The following UBE3B variants were observed in gnomAD, a reference collection of about 807,000 sequenced individuals.
UBE3B encodes ubiquitin protein ligase E3B.
UBE3B carries 80 observed loss-of-function variants against 132.3 expected under a neutral mutation model. That is an observed-to-expected ratio of 0.60 (90% CI 0.50 to 0.73). UBE3B has a LOEUF of 0.73. Among genes scored for constraint, UBE3B ranks in the 30% least tolerant of loss-of-function variants. The pLI is 0.00. For synonymous variants in UBE3B, 487 were observed against 520.4 expected, an observed-to-expected ratio of 0.94 and a Z score of 0.87; for missense variants, 1,196 against 1,362.5, an observed-to-expected ratio of 0.88 and a Z score of 1.92.
At position 109,512,265 on chromosome 12, in the gene UBE3B, T is replaced by C. The variant is rs142917892; in HGVS notation, c.1956+962T>C. 7.2e-5 allele frequency among the ~76,000 whole-genome samples: 11 copies of C among 151,986 alleles called. No individual in the cohort carries two copies. The East Asian group carries it at 1.9e-3, about 27-fold the overall frequency. Reference sequence around the variant, plus strand: ...TCCCCCCATAACCTGGGCGAGGTGGTTGGGGAGTCAGACGGAGTGAGAAGT... The same window carrying C: ...TCCCCCCATAACCTGGGCGAGGTGGCTGGGGAGTCAGACGGAGTGAGAAGT... On this transcript the variant is annotated intron_variant, in intron 18 of 27. Coordinates refer to ENST00000342494, the MANE Select transcript of UBE3B (RefSeq NM_130466.4).
In UBE3B at chr12:109,507,684, A is replaced by G. The variant is rs562489456; in HGVS notation, c.1571A>G (p.Gln524Arg). 2.5e-6 allele frequency: 4 copies of G among 1,614,220 alleles called. No homozygotes were observed. The highest frequency in any genetic ancestry group is 3.4e-6 in the Non-Finnish European group (4 of 1,180,044). ...CLNNDTEESK[Q>R]LLAMLMLFCD... Reference sequence around the variant, plus strand: ...AACAATGACACTGAAGAGTCCAAGCAACTCTTGGCCATGCTGATGCTGTTC... The same window carrying G: ...AACAATGACACTGAAGAGTCCAAGCGACTCTTGGCCATGCTGATGCTGTTC... Residue 524 changes from glutamine to arginine, a missense_variant, in exon 15 of 28, where the codon CAA becomes CGA. Coordinates refer to ENST00000342494, the MANE Select transcript of UBE3B (RefSeq NM_130466.4).
At chr12:109,497,681 C>A in intron 9 of UBE3B, 137 bp from the exon 10 acceptor site, 2 of 825,452 alleles carry the variant, frequency 2.4e-6, no homozygotes, top group Non-Finnish European at 3.9e-6. Flanking sequence ...AGTGTATGTC[C>A]CCAATTTCAG....
chr12:109,539,539 T>A (rs183998581), downstream of UBE3B, among the ~76,000 whole-genome samples: 318 of 152,192 alleles, frequency 2.1e-3, 1 homozygote, highest in African/African-American at 7.2e-3. Context: ...AGTTTCCTCT[T>A]CCATGAAACG....
chr12:109,541,314 G>A (rs1338982741), downstream of UBE3B, among the ~76,000 whole-genome samples: 1 of 152,172 alleles, frequency 6.6e-6, no homozygotes, highest in Non-Finnish European at 1.5e-5. Context: ...GTGGTCAAGG[G>A]CACAGGCCTT....
intron 14 of UBE3B, 86 bp downstream of exon 14, chr12:109,503,276 C>T: frequency 3.3e-6 from 5 of 1,529,220 alleles, no homozygotes; most frequent in Non-Finnish European, 4.4e-6. Context: ...TTTCTGGCTT[C>T]TTTGACTCTG....
chr12:109,495,360 C>T (rs1878040289), intron 9 of UBE3B, among the ~76,000 whole-genome samples: 1 of 152,020 alleles, frequency 6.6e-6, no homozygotes, highest in Non-Finnish European at 1.5e-5. Context: ...TCTGCATGAC[C>T]TCTGAGTGAT....
intron 9 of UBE3B, among the ~76,000 whole-genome samples, chr12:109,495,847 G>A (rs967310783): frequency 6.6e-6 from 1 of 152,206 alleles, no homozygotes; most frequent in Non-Finnish European, 1.5e-5. Context: ...GGTGGGCCAG[G>A]TGTTCCTTGC....
intron 9 of UBE3B, chr12:109,491,869 G>A (rs1877512301): frequency 6.6e-6 from 1 of 152,206 alleles, no homozygotes; most frequent in Admixed American, 6.5e-5. Flanking sequence ...GGACCCCATG[G>A]GCTTATTTAA....
chr12:109,512,107 T>A (rs1318192288), intron 18 of UBE3B, among the ~76,000 whole-genome samples: 1 of 152,112 alleles, frequency 6.6e-6, no homozygotes, highest in Admixed American at 6.5e-5. Flanking sequence ...CTCTGGCTCC[T>A]GGAAGCCATT....
rs1451681629 is a variant in UBE3B, at chr12:109,521,468, C to T, written c.2281C>T (p.Pro761Ser). The T allele has an allele frequency of 6.3e-7, 1 of 1,596,258 alleles. No individual in the cohort carries two copies. Among genetic ancestry groups the T allele is most frequent in the African/African-American group, 1.3e-5 (1 of 74,648 alleles). The stretch of plus-strand genomic sequence containing the variant: ...AACCAGTGGGGATGAGAGGCTGTAC[C>T]CCTCACCCACATCCTACATCCATGA... ...KTTSGDERLY[P>S]SPTSYIHENY... The change falls in exon 21 of 28, where the codon CCC becomes TCC. Residue 761 changes from proline (P) to serine (S), a missense_variant. By Grantham distance (74) the Pro-to-Ser change is moderately conservative. Coordinates refer to ENST00000342494, the MANE Select transcript of UBE3B (RefSeq NM_130466.4). This position sits in a 1 kb window ranked among gnomAD's most constrained non-coding sequence, Gnocchi z 4.2.
chr12:109,499,494 G>A (rs749557894), intron 11 of UBE3B, 139 bp from the exon 12 acceptor site: 68 of 803,630 alleles, frequency 8.5e-5, no homozygotes, highest in Non-Finnish European at 1.1e-4. Flanking sequence ...AGCAGCCTCC[G>A]GCATTGACAG....
intron 14 of UBE3B, among the ~76,000 whole-genome samples, chr12:109,507,026 G>A (rs760858025): frequency 7.2e-5 from 11 of 152,210 alleles, no homozygotes; most frequent in African/African-American, 1.4e-4. Flanking sequence ...TCTGAACCTC[G>A]TCTGGTTCTG....
chr12:109,507,879 C>T, intron 15 of UBE3B, 144 bp downstream of exon 15: 1 of 981,016 alleles, frequency 1.0e-6, no homozygotes, highest in South Asian at 1.7e-5. Flanking sequence ...TAGCCATTTA[C>T]CAAGTGAGCA....
chr12:109,501,425 G>C lies in UBE3B; in HGVS notation c.1173G>C (p.Val391=). The change falls in exon 13 of 28, where the codon GTG becomes GTC. Residue 391 remains valine (V), a synonymous_variant. Transcript: ENST00000342494. ...ITKQLQFLWG[V]PLIRIFFCDI... is the part of the protein sequence containing the mutation. ...AACAGCTGCAGTTCTTGTGGGGGGT[G>C]CCTCTGATCCGGATCTTCTTCTGTG... is the stretch of plus-strand genomic sequence containing the variant. 6.2e-7 allele frequency: 1 copy of C among 1,614,160 alleles called. No individual in the cohort carries two copies. The highest frequency in any genetic ancestry group is 8.5e-7 in the Non-Finnish European group (1 of 1,180,018).
At chr12:109,490,199 T>A in intron 8 of UBE3B, 195 bp downstream of exon 8, 1 of 855,978 alleles carries the variant, frequency 1.2e-6, no homozygotes, top group Non-Finnish European at 1.9e-6. Flanking sequence ...AGGACAGTGG[T>A]GCTGGGATCC....
chr12:109,509,812 C>T lies in UBE3B; in HGVS notation c.1741+98C>T, dbSNP rs140945794. 1.0e-4 allele frequency: 77 copies of T among 744,858 alleles called. No individual in the cohort carries two copies. In the African/African-American group the frequency reaches 1.1e-3, roughly 11 times the overall value. 46.1% of individuals were successfully genotyped at this position (744,858 alleles called of 1,614,324 possible). A position where few individuals can be genotyped will look rare whatever the true frequency, so the allele number is the denominator to read the frequency against. Reference sequence around the variant, plus strand: ...CTGATTCTTAGCTTTATTGTCTCTCCAAGTTAATAGAAGGTGCACATTTAT... The same window carrying T: ...CTGATTCTTAGCTTTATTGTCTCTCTAAGTTAATAGAAGGTGCACATTTAT... On this transcript the variant is annotated intron_variant, in intron 16 of 27. Transcript: ENST00000342494.
chr12:109,536,530 G>A lies in UBE3B; in HGVS notation c.*1748G>A, dbSNP rs1382270808. ...TGTAATTTCATTTAAATTCTTTTCAGCAGCTGGAAATATTGCACTATCTGA... is the reference window on the plus strand; with the variant it reads ...TGTAATTTCATTTAAATTCTTTTCAACAGCTGGAAATATTGCACTATCTGA... On this transcript the variant is annotated 3_prime_UTR_variant, in exon 28 of 28. Coordinates refer to ENST00000342494, the MANE Select transcript of UBE3B (RefSeq NM_130466.4). 2.0e-5 allele frequency: 3 copies of A among 152,164 alleles called. No individual in the cohort carries two copies. Among genetic ancestry groups the A allele is most frequent in the Non-Finnish European group, 2.9e-5 (2 of 68,034 alleles). 9.4% of individuals were successfully genotyped at this position (152,164 alleles called of 1,614,324 possible).
the UBE3B span, among the ~76,000 whole-genome samples, chr12:109,542,771 G>A: frequency 3.3e-5 from 5 of 152,220 alleles, no homozygotes; most frequent in African/African-American, 1.2e-4. Flanking sequence ...TCACAGCCTG[G>A]AGAGGAACCA....
In UBE3B at chr12:109,533,507, C is replaced by G. The variant is rs764799890; in HGVS notation, c.2964C>G (p.Ala988=). Residue 988 remains alanine, a synonymous_variant, in exon 27 of 28, where the codon GCC becomes GCG. Coordinates refer to ENST00000342494, the MANE Select transcript of UBE3B (RefSeq NM_130466.4). ...SCSRPPLLGF[A]YLKPPFSIRC... is the part of the protein sequence containing the mutation. ...CCAGACCCCCGCTCCTGGGATTCGC[C>G]TACCTCAAGCCTCCATTCTCCATCC... 6.2e-7 allele frequency: 1 copy of G among 1,614,120 alleles called. No individual in the cohort carries two copies. The highest frequency in any genetic ancestry group is 8.5e-7 in the Non-Finnish European group (1 of 1,180,026).
Sources: allele counts gnomAD v4.1 joint callset (sites outside exome capture counted in the v4.1 genomes callset), GRCh38; gene constraint gnomAD v4.1.1; non-coding constraint Gnocchi (gnomAD v3.1); transcripts MANE v1.5; gene names NCBI Gene and HGNC (gene_info 2026-07-23, HGNC 2026-07-21).